The following PRKG1 variants were observed in gnomAD, a reference collection of about 807,000 sequenced individuals.
The protein encoded by PRKG1 is cGMP-dependent protein kinase 1.
A neutral mutation model predicts 88.1 loss-of-function variants in PRKG1; 35 were observed. The ratio of observed to expected loss-of-function variants is 0.40; its 90% confidence interval spans 0.30 to 0.53. PRKG1 has a LOEUF of 0.53. PRKG1 is among the 20% of genes least tolerant of loss of function. The probability of loss-of-function intolerance (pLI) is 0.59; values close to 1 mark genes in which losing one functional copy is unlikely to be tolerated. For missense variants in PRKG1, 540 were observed against 839.8 expected (o/e 0.64, Z 4.41); for synonymous variants, 303 against 292.5 (o/e 1.04, Z -0.37).
At chr10:51,960,010 T>A (rs1186388627) in intron 5 of PRKG1, among the ~76,000 whole-genome samples, 1 of 152,158 alleles carries the variant, frequency 6.6e-6, no homozygotes, top group African/African-American at 2.4e-5. Flanking sequence ...TTATATATTC[T>A]CCTAGTAGAA....
intron 7 of PRKG1, among the ~76,000 whole-genome samples, chr10:52,094,626 G>A (rs1033725188): frequency 1.3e-5 from 2 of 152,160 alleles, no homozygotes; most frequent in African/African-American, 4.8e-5. Flanking sequence ...CTTGATTCTA[G>A]AGTTTCAAAA....
chr10:51,740,235 A>G (rs1837397371), intron 3 of PRKG1, among the ~76,000 whole-genome samples: 1 of 152,106 alleles, frequency 6.6e-6, no homozygotes, highest in Non-Finnish European at 1.5e-5. Context: ...CATGTTGCCC[A>G]GGCTTGTCTC....
chr10:52,269,516 A>T (rs1241832551), intron 10 of PRKG1, among the ~76,000 whole-genome samples: 1 of 152,110 alleles, frequency 6.6e-6, no homozygotes, highest in East Asian at 1.9e-4. Context: ...TGCCACATGA[A>T]TATCTTCGAA....
intron 2 of PRKG1, among the ~76,000 whole-genome samples, chr10:51,416,123 C>T (rs1459088138): frequency 2.6e-5 from 4 of 152,132 alleles, no homozygotes; most frequent in African/African-American, 9.7e-5. Flanking sequence ...GAAAGCTTTA[C>T]ACTTGTTAAC....
chr10:51,292,727 C>T (rs1840615505), intron 2 of PRKG1, among the ~76,000 whole-genome samples: 2 of 152,092 alleles, frequency 1.3e-5, no homozygotes, highest in South Asian at 4.1e-4. Flanking sequence ...AAAATATTTT[C>T]CTTTTCTAGG....
At chr10:51,133,373 C>A (rs1054101636) in intron 1 of PRKG1, among the ~76,000 whole-genome samples, 2 of 152,138 alleles carry the variant, frequency 1.3e-5, no homozygotes, top group Non-Finnish European at 2.9e-5. Flanking sequence ...TGATGATAAC[C>A]ACCATCAGTT....
At chr10:52,251,469 G>T in intron 9 of PRKG1, 101 bp from the exon 10 acceptor site, 1 of 910,264 alleles carries the variant, frequency 1.1e-6, no homozygotes. Context: ...ATGTAAGCAG[G>T]TAAACCCTGT....
In PRKG1 at chr10:51,472,400, T is replaced by G. The variant is rs370331333; in HGVS notation, c.592+4564T>G. 1.9e-3 allele frequency among the ~76,000 whole-genome samples: 288 copies of G among 152,088 alleles called. 2 individuals are homozygous for G. Among genetic ancestry groups the G allele is most frequent in the African/African-American group, 6.8e-3 (282 of 41,528 alleles). ...AGTAATAGGAGATTCAACTGAATTT[T>G]TTGCTGTAAATACTTTTACATGCTA... On this transcript the variant is annotated intron_variant, in intron 3 of 17. Coordinates refer to ENST00000373980, the MANE Select transcript of PRKG1 (RefSeq NM_006258.4).
At chr10:52,161,050 C>A (rs1838263231) in intron 8 of PRKG1, among the ~76,000 whole-genome samples, 1 of 151,834 alleles carries the variant, frequency 6.6e-6, no homozygotes, top group Non-Finnish European at 1.5e-5. Flanking sequence ...TCCTTCATTC[C>A]AGTTCAGTAG....
At chr10:51,947,956 C>T (rs55963015) in intron 5 of PRKG1, among the ~76,000 whole-genome samples, 12,711 of 152,154 alleles carry the variant, frequency 0.084, 1,461 homozygotes, top group African/African-American at 0.26. Flanking sequence ...GACTGGACAC[C>T]GTCATTAATA....
intron 2 of PRKG1, among the ~76,000 whole-genome samples, chr10:51,259,070 G>A (rs1839637100): frequency 6.6e-6 from 1 of 152,148 alleles, no homozygotes; most frequent in Non-Finnish European, 1.5e-5. Flanking sequence ...GTGCTTGTAT[G>A]TTTGGCTTAT....
At chr10:52,237,898 C>A (rs1021474222) in intron 9 of PRKG1, among the ~76,000 whole-genome samples, 2 of 141,620 alleles carry the variant, frequency 1.4e-5, no homozygotes, top group African/African-American at 5.3e-5. Context: ...CTGGAGGCAT[C>A]ACACTACCTG....
intron 9 of PRKG1, among the ~76,000 whole-genome samples, chr10:52,195,135 T>A (rs550483672): frequency 6.0e-4 from 91 of 152,268 alleles, no homozygotes; most frequent in African/African-American, 2.1e-3. Context: ...AACTCCTATA[T>A]AAATGAAAAT....
At chr10:51,268,738 C>T (rs578012113) in intron 2 of PRKG1, among the ~76,000 whole-genome samples, 63 of 152,212 alleles carry the variant, frequency 4.1e-4, no homozygotes, top group East Asian at 3.5e-3. Flanking sequence ...TCCTCCTCAG[C>T]TTACGAAAAT....
intron 4 of PRKG1, among the ~76,000 whole-genome samples, chr10:51,892,982 T>C (rs1156350326): frequency 3.9e-5 from 6 of 152,182 alleles, no homozygotes. Flanking sequence ...CATAAAAATG[T>C]ATATGATTTT....
At chr10:52,071,154 T>A (rs12217828) in intron 7 of PRKG1, among the ~76,000 whole-genome samples, 3 of 152,140 alleles carry the variant, frequency 2.0e-5, no homozygotes, top group Middle Eastern at 3.2e-3. Flanking sequence ...TTCATATTTT[T>A]AATTTTGATT....
intron 2 of PRKG1, among the ~76,000 whole-genome samples, chr10:51,317,770 T>G (rs1372341430): frequency 6.6e-6 from 1 of 152,202 alleles, no homozygotes; most frequent in Non-Finnish European, 1.5e-5. Flanking sequence ...TAACAATCCA[T>G]CAGTGCCTTC....
intron 5 of PRKG1, among the ~76,000 whole-genome samples, chr10:51,918,966 A>G (rs1842403590): frequency 6.6e-6 from 1 of 152,182 alleles, no homozygotes; most frequent in Admixed American, 6.5e-5. Flanking sequence ...TCGTGCTTAC[A>G]AGTAACAGGC....
At chr10:52,251,446 A>G in intron 9 of PRKG1, 124 bp from the exon 10 acceptor site, 1 of 732,192 alleles carries the variant, frequency 1.4e-6, no homozygotes, top group Non-Finnish European at 2.3e-6. Flanking sequence ...ACAAACTCTA[A>G]AAGCAAGATG....
Sources: gnomAD v4.1 joint callset for allele counts (sites outside exome capture counted in the v4.1 genomes callset) on GRCh38, gnomAD v4.1.1 for gene constraint, MANE v1.5 for transcripts, NCBI Gene and HGNC (gene_info 2026-07-23, HGNC 2026-07-21) for gene names.